The following MOCS1 variants were observed in gnomAD, a reference collection of about 807,000 sequenced individuals.
The protein encoded by MOCS1 is molybdenum cofactor biosynthesis protein 1.
A neutral mutation model predicts 57.6 loss-of-function variants in MOCS1; 39 were observed. The ratio of observed to expected loss-of-function variants is 0.68; its 90% CI spans 0.52 to 0.88. The LOEUF (loss-of-function observed/expected upper bound fraction) is 0.88, where lower values mean the gene tolerates loss of function less well. Ranked by LOEUF, MOCS1 falls within the 40% of genes least tolerant of loss-of-function variation. The pLI, the probability that MOCS1 is intolerant of heterozygous loss-of-function variation, is 0.00. For missense variants in MOCS1, 795 were observed against 831.1 expected (o/e 0.96, Z 0.53); for synonymous variants, 334 against 335.7 (o/e 1.00, Z 0.05).
rs773157529 is a variant in MOCS1, at chr6:39,906,507, G to C, written c.1761C>G (p.Thr587=). 5 of 1,613,872 alleles carry C rather than the reference G, an allele frequency of 3.1e-6. No individual in the cohort carries two copies. The East Asian group carries it at 8.9e-5, about 29-fold the overall frequency. Residue 587 remains threonine (T), a synonymous_variant, in exon 11 of 11, where the codon ACC becomes ACG. Transcript: ENST00000340692. ...AGGTCAGGGCCTCCATCTCCACCCC[G>C]GTGGGGCCCCGAGCCCGGCAAGATG... ...IQASCRARGP[T]GVEMEALTSA...
chr6:39,905,613 AAG>A lies in MOCS1; in HGVS notation c.*742_*743del, dbSNP rs1766837912. On this transcript the variant is annotated 3_prime_UTR_variant, in exon 11 of 11. Transcript: ENST00000340692. ...TCTTTCCCTGATATGCTCCAGAATA[AAG>A]AGGGGTGGGTGGAACAGCCGTGAAC... The A allele has an allele frequency of 2.1e-6, 1 of 471,180 alleles. No individual in the cohort carries two copies. 29.2% of individuals were successfully genotyped at this position (471,180 alleles called of 1,614,324 possible). A position where few individuals can be genotyped will look rare whatever the true frequency, so the allele number is the denominator to read the frequency against.
Position 39,904,179 on chromosome 6 carries a change from C to T in MOCS1, c.*2178G>A, listed in dbSNP as rs1346533436. On this transcript the variant is annotated 3_prime_UTR_variant, in exon 11 of 11. Coordinates refer to ENST00000340692, the MANE Select transcript of MOCS1 (RefSeq NM_001358530.2). ...AGGACTATGGAAGCTGTTCAAGATA[C>T]ATTTGATCTTCAGAAAAGCAGAATT... 6 of 456,588 alleles carry T rather than the reference C, an allele frequency of 1.3e-5. No individual in the cohort carries two copies. The highest frequency in any genetic ancestry group is 6.9e-5 in the East Asian group (1 of 14,408). 28.3% of individuals were successfully genotyped at this position (456,588 alleles called of 1,614,324 possible).
chr6:39,931,222 G>A (rs373630710), intron 1 of MOCS1, among the ~76,000 whole-genome samples: 1 of 152,162 alleles, frequency 6.6e-6, no homozygotes, highest in South Asian at 2.1e-4. Flanking sequence ...GGGTGGGGAA[G>A]GGTGGGACAA....
intron 10 of MOCS1, among the ~76,000 whole-genome samples, chr6:39,907,741 A>G (rs1341647253): frequency 6.6e-6 from 1 of 152,268 alleles, no homozygotes; most frequent in Non-Finnish European, 1.5e-5. Context: ...CTTATGGACC[A>G]GCAGCACCAG....
Position 39,934,318 on chromosome 6 carries a change from C to T in MOCS1, c.100G>A (p.Glu34Lys). ...GAPVTQPCPG[E>K]SARAASEEVS... is the part of the protein sequence containing the mutation. ...ACCTCCGAGGCAGCTCGCGCGGACT[C>T]CCCGGGGCAGGGCTGGGTCACCGGA... The change falls in exon 1 of 11, where the codon GAG becomes AAG. Residue 34 changes from glutamate to lysine, a missense_variant. Glu to Lys is a moderately conservative substitution (Grantham distance 56). This residue lies in a region of MOCS1 where 416 missense variants were observed against 392.4 expected (regional missense o/e 1.06). Coordinates refer to ENST00000340692, the MANE Select transcript of MOCS1 (RefSeq NM_001358530.2). The T allele has an allele frequency of 6.5e-7, 1 of 1,548,844 alleles. No homozygotes were observed. Among genetic ancestry groups the T allele is most frequent in the Non-Finnish European group, 8.7e-7 (1 of 1,151,840 alleles).
At chr6:39,913,934 G>C (rs961562273) in intron 4 of MOCS1, 99 bp from the exon 5 acceptor site, 1 of 1,251,436 alleles carries the variant, frequency 8.0e-7, no homozygotes, top group Non-Finnish European at 1.2e-6. Context: ...CTGGAGATTG[G>C]CAAACGTTTT....
rs1304693840 is a variant in MOCS1, at chr6:39,913,375, C to T, written c.699G>A (p.Ala233=). The T allele has an allele frequency of 1.2e-5, 19 of 1,614,194 alleles. No homozygotes were observed. Among genetic ancestry groups the T allele is most frequent in the Admixed American group, 3.3e-5 (2 of 60,014 alleles). Residue 233 remains alanine (A), a synonymous_variant, in exon 6 of 11, where the codon GCG becomes GCA. Coordinates refer to ENST00000340692, the MANE Select transcript of MOCS1 (RefSeq NM_001358530.2). ...GLNEDELLDF[A]ALTEGLPLDV... ...CCAGGGGGAGGCCCTCAGTCAAGGC[C>T]GCAAAGTCCAGGAGTTCATCCTCGT...
In MOCS1 at chr6:39,909,900, G is replaced by C. The variant is rs201339472; in HGVS notation, c.1037C>G (p.Ala346Gly). The change falls in exon 9 of 11, where the codon GCC (alanine) becomes GGC (glycine). Residue 346 changes from alanine (A) to glycine (G), a missense_variant. Around this residue, in one of 3 missense-constraint regions of MOCS1, gnomAD observed 374 missense variants for 422.6 expected, o/e 0.89. Transcript: ENST00000340692. ...VSLRDHLRAG[A>G]SEQELLRIIG... ...GATTCTCAGCAGCTCCTGCTCAGAG[G>C]CCCCAGCTCGCAGGTGATCCCGCAG... 1 of 1,613,818 alleles carries C rather than the reference G, an allele frequency of 6.2e-7. No homozygotes were observed. The highest frequency in any genetic ancestry group is 1.7e-5 in the Admixed American group (1 of 60,022).
intron 4 of MOCS1, among the ~76,000 whole-genome samples, chr6:39,915,170 G>A (rs1057195908): frequency 6.6e-6 from 1 of 152,196 alleles, no homozygotes; most frequent in Admixed American, 6.5e-5. Flanking sequence ...TGTAAGGACA[G>A]GGCAATGTCT....
At position 39,913,322 on chromosome 6, in the gene MOCS1, A is replaced by G. The variant is rs762956159; in HGVS notation, c.752T>C (p.Phe251Ser). ...ACCCATCCCTGGTCACTGACCATCA[A>G]AGGGCATATACTCTATGAAGCGCAC... is the stretch of plus-strand genomic sequence containing the variant. Reference protein sequence around the residue: ...LDVRFIEYMPFDGNKWNFKKM... With the variant: ...LDVRFIEYMPSDGNKWNFKKM... Residue 251 changes from phenylalanine to serine, a missense_variant, in exon 6 of 11, where the codon TTT becomes TCT. By Grantham distance (155) the Phe-to-Ser change is radical. This residue lies in a region of MOCS1 where 416 missense variants were observed against 392.4 expected (regional missense o/e 1.06). Transcript: ENST00000340692. 1 of 1,613,818 alleles carries G rather than the reference A, an allele frequency of 6.2e-7. No individual in the cohort carries two copies. The highest frequency in any genetic ancestry group is 8.5e-7 in the Non-Finnish European group (1 of 1,179,726).
At chr6:39,924,418 T>C (rs1384602019) in intron 3 of MOCS1, among the ~76,000 whole-genome samples, 1 of 152,240 alleles carries the variant, frequency 6.6e-6, no homozygotes, top group East Asian at 1.9e-4. Context: ...CTGAGAGCTT[T>C]CACGCCAGCG....
At position 39,906,903 on chromosome 6, in the gene MOCS1, T is replaced by G; in HGVS notation, c.1365A>C (p.Ser455=). The G allele has an allele frequency of 6.2e-7, 1 of 1,614,196 alleles. No homozygotes were observed. Residue 455 remains serine (S), a synonymous_variant, in exon 11 of 11, where the codon TCA becomes TCC. Coordinates refer to ENST00000340692, the MANE Select transcript of MOCS1 (RefSeq NM_001358530.2). ...FQRHYTSRAD[S]DANSKCLSPG... ...GGCTAAGGCACTTTGAGTTGGCATC[T>G]GAGTCTGCACGGGAAGTGTAGTGTC...
In MOCS1 at chr6:39,904,265, A is replaced by AAAAG. The variant is rs761346274; in HGVS notation, c.*2088_*2091dup. 8.8e-6 allele frequency: 4 copies of AAAAG among 456,646 alleles called. No individual in the cohort carries two copies. Among genetic ancestry groups the AAAAG allele is most frequent in the African/African-American group, 6.0e-5 (3 of 50,096 alleles). The allele number at this position is 456,646 out of a possible 1,614,324, so 28.3% of individuals were successfully genotyped here. On this transcript the variant is annotated 3_prime_UTR_variant, in exon 11 of 11. Transcript: ENST00000340692. ...TTCCAGAGCTCAGCCTTCTCACTCT[A>AAAAG]AAAGAAAGATATTTTTCTATTTATT...
intron 4 of MOCS1, among the ~76,000 whole-genome samples, chr6:39,914,321 C>T (rs73414870): frequency 0.023 from 3,510 of 152,282 alleles, 138 homozygotes; most frequent in African/African-American, 0.08. Context: ...AACCAAGACC[C>T]AGAGTGAGGC....
In MOCS1 at chr6:39,905,655, G is replaced by T. The variant is rs747822044; in HGVS notation, c.*702C>A. The T allele has an allele frequency of 2.1e-6, 1 of 471,226 alleles. No individual in the cohort carries two copies. The allele number at this position is 471,226 out of a possible 1,614,324, so 29.2% of individuals were successfully genotyped here. A position where few individuals can be genotyped will look rare whatever the true frequency, so the allele number is the denominator to read the frequency against. On this transcript the variant is annotated 3_prime_UTR_variant, in exon 11 of 11. Coordinates refer to ENST00000340692, the MANE Select transcript of MOCS1 (RefSeq NM_001358530.2). ...CAGCCGTGAACAGGGCCAGGTGTGG[G>T]CTGTGTGGTCTGGCAGGAGTCCTTA...
chr6:39,922,514 C>G (rs1300504008), intron 3 of MOCS1, among the ~76,000 whole-genome samples: 3 of 152,120 alleles, frequency 2.0e-5, no homozygotes, highest in Non-Finnish European at 4.4e-5. Context: ...GATAGGACAC[C>G]CATGCTCTAT....
In MOCS1 at chr6:39,913,840, G is replaced by T. The variant is rs372597577; in HGVS notation, c.584-5C>A. 1 of 1,614,140 alleles carries T rather than the reference G, an allele frequency of 6.2e-7. No homozygotes were observed. The highest frequency in any genetic ancestry group is 1.1e-5 in the South Asian group (1 of 91,074). On this transcript the variant is annotated splice_polypyrimidine_tract_variant and splice_region_variant and intron_variant, in intron 4 of 10. Coordinates refer to ENST00000340692, the MANE Select transcript of MOCS1 (RefSeq NM_001358530.2). ...CCTCCATGACCTTGTGGAAGCCTGG[G>T]AGGGAGAAACAAGGATCCAGGAACT...
In MOCS1 at chr6:39,909,843, T is replaced by C. The variant is rs1767213424; in HGVS notation, c.1094A>G (p.Gln365Arg). The C allele has an allele frequency of 6.2e-7, 1 of 1,613,340 alleles. No homozygotes were observed. The highest frequency in any genetic ancestry group is 8.5e-7 in the Non-Finnish European group (1 of 1,180,002). Residue 365 changes from glutamine to arginine, a missense_variant, in exon 9 of 11, where the codon CAG becomes CGG. Physicochemically the swap from Gln to Arg is conservative, Grantham distance 43. Coordinates refer to ENST00000340692, the MANE Select transcript of MOCS1 (RefSeq NM_001358530.2). ...CCCCACCCTGCACTTACCTGCATGCTGCCGCTTCTTCCTGCCCACAGCAGC... is the reference window on the plus strand; with the variant it reads ...CCCCACCCTGCACTTACCTGCATGCCGCCGCTTCTTCCTGCCCACAGCAGC... ...IGAAVGRKKR[Q>R]HAGMFSISQM...
At position 39,925,856 on chromosome 6, in the gene MOCS1, G is replaced by A. The variant is rs377424990; in HGVS notation, c.251-11C>T. On this transcript the variant is annotated splice_polypyrimidine_tract_variant and intron_variant, in intron 2 of 10. Transcript: ENST00000340692. ...GCATGCAGTACTGACCTGAGGGAAG[G>A]ATGAATGGGAATGTGGAGGGAGGAA... 14 of 1,604,236 alleles carry A rather than the reference G, an allele frequency of 8.7e-6. No homozygotes were observed. Among genetic ancestry groups the A allele is most frequent in the Admixed American group, 3.3e-5 (2 of 59,714 alleles).
Sources: allele counts gnomAD v4.1 joint callset (sites outside exome capture counted in the v4.1 genomes callset), GRCh38; gene constraint gnomAD v4.1.1; regional missense constraint gnomAD v4.1.1; transcripts MANE v1.5; gene names NCBI Gene and HGNC (gene_info 2026-07-23, HGNC 2026-07-21).